The following TRRAP variants were observed in gnomAD, a reference collection of about 807,000 sequenced individuals.
The protein encoded by TRRAP is transformation/transcription domain associated protein.
A neutral mutation model predicts 438.8 loss-of-function variants in TRRAP; 41 were observed. The ratio of observed to expected loss-of-function variants is 0.09; its 90% CI spans 0.07 to 0.12. The LOEUF (loss-of-function observed/expected upper bound fraction) is 0.12, where lower values mean the gene tolerates loss of function less well. Among genes scored for constraint, TRRAP ranks in the 10% least tolerant of loss-of-function variants. TRRAP has a pLI of 1.00. For missense variants in TRRAP, 3,122 were observed against 5,055.1 expected (o/e 0.62, Z 11.60); for synonymous variants, 1,994 against 1,962.9 (o/e 1.02, Z -0.42).
In TRRAP at chr7:99,000,092, C is replaced by G. The variant is rs1026983245; in HGVS notation, c.10310-4098C>G. Among the ~76,000 whole-genome samples the G allele has an allele frequency of 7.9e-5, 12 of 152,172 alleles. No individual in the cohort carries two copies. The East Asian group carries it at 2.3e-3, about 29-fold the overall frequency. ...GCGTGATCTCAGCTCACCGCCACCT[C>G]TGCCTCCCAGGTTCAAGTGATTCTC... is the stretch of plus-strand genomic sequence containing the variant. On this transcript the variant is annotated intron_variant, in intron 67 of 72. Transcript: ENST00000456197.
intron 3 of TRRAP, among the ~76,000 whole-genome samples, chr7:98,883,937 T>C (rs142296544): frequency 6.6e-6 from 1 of 152,342 alleles, no homozygotes; most frequent in African/African-American, 2.4e-5. Context: ...AGTTACCAGC[T>C]GATGCCACTG....
chr7:98,929,392 A>G (rs144498748), intron 23 of TRRAP, among the ~76,000 whole-genome samples: 21 of 152,338 alleles, frequency 1.4e-4, no homozygotes, highest in African/African-American at 4.6e-4. Flanking sequence ...GAAAGTGGCA[A>G]AGTGGCATGA....
intron 27 of TRRAP, among the ~76,000 whole-genome samples, chr7:98,934,821 A>G (rs1790486061): frequency 6.6e-6 from 1 of 152,172 alleles, no homozygotes; most frequent in South Asian, 2.1e-4. Flanking sequence ...TGAAGGTCAT[A>G]CAAGGCCCTA....
rs1554417746 is a variant in TRRAP at position 98,949,716 on chromosome 7, G to A, written c.5010G>A (p.Leu1670=). 1 of 1,613,968 alleles carries A rather than the reference G, an allele frequency of 6.2e-7. No individual in the cohort carries two copies. The highest frequency in any genetic ancestry group is 1.3e-5 in the African/African-American group (1 of 74,948). ...DDSWLASQHS[L]VSQLRRVWVS... The stretch of plus-strand genomic sequence containing the variant: ...CCTGGCTGGCCAGCCAGCACTCTCT[G>A]GTGAGCCAGTTGCGACGTGTGTGGG... The change falls in exon 37 of 73, where the codon CTG becomes CTA. Residue 1670 remains leucine (L), a synonymous_variant. Coordinates refer to ENST00000456197, the MANE Select transcript of TRRAP (RefSeq NM_001375524.1).
chr7:98,972,982 G>A (rs1654409294), intron 53 of TRRAP, among the ~76,000 whole-genome samples: 2 of 152,082 alleles, frequency 1.3e-5, no homozygotes, highest in African/African-American at 4.8e-5. Flanking sequence ...TCTTTTGTTT[G>A]TTTGTTTGTT....
At position 98,983,476 on chromosome 7, in the gene TRRAP, C is replaced by A. The variant is rs146938440; in HGVS notation, c.9022+17C>A. On this transcript the variant is annotated intron_variant, in intron 60 of 72. Coordinates refer to ENST00000456197, the MANE Select transcript of TRRAP (RefSeq NM_001375524.1). ...ATTACCAGGGTAAACCGACCTGGTC[C>A]GGCATGCATTCATCATGTAATTTTC... 1 of 1,613,454 alleles carries A rather than the reference C, an allele frequency of 6.2e-7. No individual in the cohort carries two copies. The highest frequency in any genetic ancestry group is 8.5e-7 in the Non-Finnish European group (1 of 1,179,636).
At chr7:98,880,399 G>T (rs1795375069) in intron 1 of TRRAP, among the ~76,000 whole-genome samples, 2 of 151,900 alleles carry the variant, frequency 1.3e-5, no homozygotes. Flanking sequence ...GAGTAGCTGG[G>T]ATTACAGGTG....
In TRRAP at chr7:98,908,427, T is replaced by C. The variant is rs1796890475; in HGVS notation, c.1116-301T>C. Among the ~76,000 whole-genome samples, 1 of 152,236 alleles carries C rather than the reference T, an allele frequency of 6.6e-6. No individual in the cohort carries two copies. The highest frequency in any genetic ancestry group is 2.1e-4 in the South Asian group (1 of 4,832). ...TTTTTGAGCAACAAAACCCATTCAG[T>C]GCATGATCAAGCTGGTAATATTCCT... is the stretch of plus-strand genomic sequence containing the variant. On this transcript the variant is annotated intron_variant, in intron 13 of 72. Transcript: ENST00000456197. The surrounding 1 kb of genome is among the most constrained non-coding windows in gnomAD (Gnocchi z 4.1).
At chr7:98,901,314 C>T (rs757119052) in intron 11 of TRRAP, among the ~76,000 whole-genome samples, 29 of 152,224 alleles carry the variant, frequency 1.9e-4, no homozygotes, top group Non-Finnish European at 3.2e-4. Flanking sequence ...CACCGTCCTG[C>T]CAGATAACGG....
At chr7:98,995,929 ATCCCGTCCTCACAC>A (rs1343263414) in intron 67 of TRRAP, among the ~76,000 whole-genome samples, 1 of 137,320 alleles carries the variant, frequency 7.3e-6, no homozygotes, top group Non-Finnish European at 1.5e-5. Flanking sequence ...TCGCATCCCC[ATCCCGTCCTCACAC>A]TCCCGTCCCA....
intron 11 of TRRAP, among the ~76,000 whole-genome samples, chr7:98,901,393 A>G (rs1331291151): frequency 1.3e-5 from 2 of 152,182 alleles, no homozygotes; most frequent in African/African-American, 4.8e-5. Flanking sequence ...ACAGTCACAT[A>G]TGGAGTTAGG....
At chr7:98,929,717 C>T (rs1484186028) in intron 23 of TRRAP, among the ~76,000 whole-genome samples, 1 of 152,064 alleles carries the variant, frequency 6.6e-6, no homozygotes, top group Non-Finnish European at 1.5e-5. Context: ...CCTCAGCCTC[C>T]TGAGTAGCTG....
chr7:98,959,221 G>C (rs1394042961), intron 44 of TRRAP, 123 bp from the exon 45 acceptor site: 1 of 1,333,752 alleles, frequency 7.5e-7, no homozygotes, highest in Admixed American at 2.2e-5. Flanking sequence ...GAAGAGAGGT[G>C]GCTGTGAGGT....
chr7:98,966,640 A>G (rs1286520359), intron 49 of TRRAP, among the ~76,000 whole-genome samples: 3 of 152,166 alleles, frequency 2.0e-5, no homozygotes, highest in Admixed American at 6.5e-5. Context: ...AGCCAAGATC[A>G]CACCACTGTA....
Position 98,937,778 on chromosome 7 carries a change from C to T in TRRAP, c.4362C>T (p.Leu1454=). The T allele has an allele frequency of 6.2e-7, 1 of 1,613,950 alleles. No homozygotes were observed. The highest frequency in any genetic ancestry group is 8.5e-7 in the Non-Finnish European group (1 of 1,179,922). ...ATCGCCTGACTTCGGTCACGAGGCT[C>T]TTCCCAAATTCCTTCAATGATAAAT... ...VVNRLTSVTR[L]FPNSFNDKFC... The change falls in exon 30 of 73, where the codon CTC becomes CTT. Residue 1454 remains leucine, a synonymous_variant. Transcript: ENST00000456197.
chr7:98,892,109 A>T (rs906919742), intron 4 of TRRAP, among the ~76,000 whole-genome samples: 1 of 152,158 alleles, frequency 6.6e-6, no homozygotes, highest in Admixed American at 6.5e-5. Flanking sequence ...TGCTCTTTTT[A>T]TCTTCAATGA....
chr7:98,919,029 T>G (rs1789666659), intron 20 of TRRAP, among the ~76,000 whole-genome samples: 2 of 151,908 alleles, frequency 1.3e-5, no homozygotes, highest in Non-Finnish European at 2.9e-5. Flanking sequence ...TTAAAGTTAG[T>G]TTTTCCTACA....
intron 44 of TRRAP, 54 bp downstream of exon 44, chr7:98,958,145 C>A: frequency 6.7e-7 from 1 of 1,484,654 alleles, no homozygotes; most frequent in Non-Finnish European, 9.3e-7. Flanking sequence ...AGGCTACTGA[C>A]TAACACCCCA....
intron 49 of TRRAP, among the ~76,000 whole-genome samples, chr7:98,966,318 A>AT (rs1792155935): frequency 1.3e-5 from 2 of 152,198 alleles, no homozygotes; most frequent in African/African-American, 2.4e-5. Flanking sequence ...AAAAAAAAAA[A>AT]GAAAGATGGA....
Sources: gnomAD v4.1 joint callset for allele counts (sites outside exome capture counted in the v4.1 genomes callset) on GRCh38, gnomAD v4.1.1 for gene constraint, Gnocchi (gnomAD v3.1) non-coding constraint, MANE v1.5 for transcripts, NCBI Gene and HGNC (gene_info 2026-07-23, HGNC 2026-07-21) for gene names.